Variants in FGF12 observed in about 807,000 individuals in gnomAD.
FGF12 encodes the protein fibroblast growth factor 12.
A neutral mutation model predicts 23.6 loss-of-function variants in FGF12; 14 were observed. The ratio of observed to expected loss-of-function variants is 0.59; its 90% CI spans 0.39 to 0.93. The LOEUF is 0.93. FGF12 is among the 40% of genes least tolerant of loss of function. The pLI, the probability that FGF12 is intolerant of heterozygous loss-of-function variation, is 0.00. For synonymous variants in FGF12, 62 were observed against 77.3 expected (o/e 0.80, Z 1.04); for missense variants, 175 against 217.8 (o/e 0.80, Z 1.24).
intron 4 of FGF12, among the ~76,000 whole-genome samples, chr3:192,314,018 G>A (rs962760528): frequency 7.2e-5 from 11 of 152,260 alleles, no homozygotes; most frequent in African/African-American, 2.6e-4. Flanking sequence ...GAAGAGACAG[G>A]GAAGAGCATG....
intron 3 of FGF12, among the ~76,000 whole-genome samples, chr3:192,345,627 C>T (rs1339064765): frequency 2.4e-5 from 1 of 42,302 alleles, no homozygotes; most frequent in Non-Finnish European, 3.4e-5. Flanking sequence ...GCGGAGCTTG[C>T]AGTGAGCCGA....
intron 4 of FGF12, among the ~76,000 whole-genome samples, chr3:192,248,777 C>T (rs1017451370): frequency 6.6e-6 from 1 of 152,046 alleles, no homozygotes; most frequent in African/African-American, 2.4e-5. Context: ...GAGACCCTGT[C>T]TCAAAATAAA....
At chr3:192,610,557 CTT>C (rs1424052997) in intron 2 of FGF12, among the ~76,000 whole-genome samples, 1 of 151,996 alleles carries the variant, frequency 6.6e-6, no homozygotes, top group East Asian at 1.9e-4. Flanking sequence ...TGCCTGGTCT[CTT>C]TGCTACATCC....
At chr3:192,555,319 G>A (rs566396952) in intron 2 of FGF12, among the ~76,000 whole-genome samples, 1 of 152,274 alleles carries the variant, frequency 6.6e-6, no homozygotes, top group African/African-American at 2.4e-5. Flanking sequence ...ACATACAAGG[G>A]AGGCTCAATA....
rs1724602012 is a variant in FGF12, at chr3:192,514,670, T to C, written c.14-154132A>G. 2 of 984,604 alleles carry C rather than the reference T, an allele frequency of 2.0e-6. No individual in the cohort carries two copies. The highest frequency in any genetic ancestry group is 1.7e-5 in the African/African-American group (1 of 57,208). 61.0% of individuals were successfully genotyped at this position (984,604 alleles called of 1,614,324 possible). Reference sequence around the variant, plus strand: ...TGGGGAAAGAACATTTTCTCACCACTTGGGCTGTCGCTGGACCTCAGGCTC... The same window carrying C: ...TGGGGAAAGAACATTTTCTCACCACCTGGGCTGTCGCTGGACCTCAGGCTC... On this transcript the variant is annotated intron_variant, in intron 2 of 5. Transcript: ENST00000445105. The surrounding 1 kb of genome is among the most constrained non-coding windows in gnomAD (Gnocchi z 4.9).
In FGF12 at chr3:192,372,034, A is replaced by T. The variant is rs143594825; in HGVS notation, c.14-11496T>A. 4.4e-3 allele frequency among the ~76,000 whole-genome samples: 666 copies of T among 152,326 alleles called. 4 individuals carry two copies. The highest frequency in any genetic ancestry group is 0.015 in the African/African-American group (635 of 41,584). The stretch of plus-strand genomic sequence containing the variant: ...GCTTTTGGCCTCCTGTCACAAAAAA[A>T]AGTGGCGGGGCTGTAGACACTTCTA... On this transcript the variant is annotated intron_variant, in intron 2 of 5. Transcript: ENST00000445105.
intron 4 of FGF12, among the ~76,000 whole-genome samples, chr3:192,315,195 G>A (rs995994362): frequency 6.6e-6 from 1 of 152,156 alleles, no homozygotes; most frequent in Non-Finnish European, 1.5e-5. Flanking sequence ...GCTGCACTCC[G>A]TGATCTATCT....
At chr3:192,611,693 G>C (rs1325152730) in intron 2 of FGF12, among the ~76,000 whole-genome samples, 1 of 151,886 alleles carries the variant, frequency 6.6e-6, no homozygotes, top group Non-Finnish European at 1.5e-5. Context: ...ATTCACTCCA[G>C]GTTTTACTCC....
At chr3:192,485,671 A>G (rs1030737356) in intron 2 of FGF12, among the ~76,000 whole-genome samples, 1 of 152,148 alleles carries the variant, frequency 6.6e-6, no homozygotes, top group African/African-American at 2.4e-5. Context: ...GCAGGCAAAC[A>G]TTTAGTTAAG....
At chr3:192,482,134 T>C (rs1298585289) in intron 2 of FGF12, among the ~76,000 whole-genome samples, 3 of 152,262 alleles carry the variant, frequency 2.0e-5, no homozygotes, top group South Asian at 4.2e-4. Flanking sequence ...TCACTATGAG[T>C]TTCCAAGTTT....
intron 2 of FGF12, among the ~76,000 whole-genome samples, chr3:192,453,911 T>C (rs1722602354): frequency 6.6e-6 from 1 of 152,246 alleles, no homozygotes. Context: ...ATAATATCTA[T>C]GTAAATAATA....
At chr3:192,353,526 C>T (rs558136700) in intron 3 of FGF12, among the ~76,000 whole-genome samples, 1 of 152,168 alleles carries the variant, frequency 6.6e-6, no homozygotes, top group African/African-American at 2.4e-5. Flanking sequence ...CCCGCCACCA[C>T]ACCCGCCTAA....
At chr3:192,216,873 A>G (rs1418675383) in intron 4 of FGF12, among the ~76,000 whole-genome samples, 2 of 152,248 alleles carry the variant, frequency 1.3e-5, no homozygotes, top group African/African-American at 4.8e-5. Context: ...TTTATTTCAC[A>G]ACAATTTTTT....
chr3:192,577,544 G>C (rs1287335960), intron 2 of FGF12, among the ~76,000 whole-genome samples: 2 of 152,184 alleles, frequency 1.3e-5, no homozygotes, highest in Non-Finnish European at 2.9e-5. Context: ...AACCAGAACA[G>C]ACTTAGAAAA....
At chr3:192,402,631 A>G (rs1275574554) in intron 2 of FGF12, among the ~76,000 whole-genome samples, 6 of 152,190 alleles carry the variant, frequency 3.9e-5, no homozygotes, top group Non-Finnish European at 5.9e-5. Context: ...ATGAATCTGA[A>G]CAAGTCTCAT....
At chr3:192,387,745 G>A (rs1007156886) in intron 2 of FGF12, among the ~76,000 whole-genome samples, 13 of 151,262 alleles carry the variant, frequency 8.6e-5, no homozygotes, top group African/African-American at 3.2e-4. Flanking sequence ...AAATTATCTG[G>A]TTGTGGTGGT....
At chr3:192,202,187 A>G (rs2293147) in intron 4 of FGF12, among the ~76,000 whole-genome samples, 13,587 of 152,234 alleles carry the variant, frequency 0.089, 703 homozygotes, top group South Asian at 0.19. Context: ...GAAAGTTCCA[A>G]TGCAGAAGGA....
chr3:192,375,666 C>G (rs956665042), intron 2 of FGF12, among the ~76,000 whole-genome samples: 1 of 151,982 alleles, frequency 6.6e-6, no homozygotes, highest in Non-Finnish European at 1.5e-5. Flanking sequence ...TATAACCCCT[C>G]TTTCCCCCCA....
chr3:192,335,512 A>G (rs1257206691), intron 3 of FGF12, 48 bp from the exon 4 acceptor site: 2 of 1,096,292 alleles, frequency 1.8e-6, no homozygotes, highest in African/African-American at 1.6e-5. Flanking sequence ...CCTTTTGAAT[A>G]AATAATCCTT....
Sources: gnomAD v4.1 joint callset for allele counts (sites outside exome capture counted in the v4.1 genomes callset) on GRCh38, gnomAD v4.1.1 for gene constraint, Gnocchi (gnomAD v3.1) non-coding constraint, MANE v1.5 for transcripts, NCBI Gene and HGNC (gene_info 2026-07-23, HGNC 2026-07-21) for gene names.